CACNA1B: variants seen among roughly 807,000 people sequenced by gnomAD.
CACNA1B encodes the protein calcium voltage-gated channel subunit alpha1 B, also known as voltage-dependent N-type calcium channel subunit alpha-1B.
A neutral mutation model predicts 247.2 loss-of-function variants in CACNA1B; 70 were observed. The ratio of observed to expected loss-of-function variants is 0.28; its 90% CI spans 0.23 to 0.35. The LOEUF is 0.35. Among genes scored for constraint, CACNA1B ranks in the 10% least tolerant of loss-of-function variants. The pLI, the probability that CACNA1B is intolerant of heterozygous loss-of-function variation, is 1.00. For missense variants in CACNA1B, 2,367 were observed against 3,197.4 expected (o/e 0.74, Z 6.26); for synonymous variants, 1,231 against 1,294.4 (o/e 0.95, Z 1.05).
chr9:138,024,807 T>A (rs1958900273), intron 19 of CACNA1B, 148 bp from the exon 20 acceptor site: 2 of 624,800 alleles, frequency 3.2e-6, no homozygotes, highest in Admixed American at 2.6e-5. Flanking sequence ...GCTAATTTTT[T>A]AATTTTTGTA....
rs1254801748 is a variant in CACNA1B at position 138,073,520 on chromosome 9, C to G, written c.4707C>G (p.Leu1569=). The G allele has an allele frequency of 2.5e-6, 4 of 1,613,410 alleles. No individual in the cohort carries two copies. In the East Asian group the frequency reaches 8.9e-5, roughly 36 times the overall value. Residue 1569 remains leucine, a synonymous_variant, in exon 33 of 47, where the codon CTC becomes CTG. Transcript: ENST00000371372. The surrounding 1 kb of genome is among the most constrained non-coding windows in gnomAD (Gnocchi z 6.4). The part of the protein sequence containing the change: ...NNFINLSFLR[L]FRAARLIKLL... ...TCATCAACCTCAGCTTCCTCCGCCT[C>G]TTTCGAGCTGCGCGGCTGATCAAGC... is the stretch of plus-strand genomic sequence containing the variant.
At chr9:138,096,682 G>A in intron 37 of CACNA1B, 71 bp downstream of exon 37, 1 of 1,502,062 alleles carries the variant, frequency 6.7e-7, no homozygotes, top group Non-Finnish European at 9.1e-7. Context: ...TGGGCCTGGT[G>A]GCTTCAGACA....
intron 15 of CACNA1B, among the ~76,000 whole-genome samples, chr9:138,001,394 A>C (rs986257169): frequency 1.1e-5 from 1 of 87,228 alleles, no homozygotes; most frequent in Non-Finnish European, 2.0e-5. Context: ...GACTGTGATA[A>C]TGGTGACACA....
chr9:137,995,784 A>G (rs1273292565), intron 15 of CACNA1B, among the ~76,000 whole-genome samples: 2 of 152,284 alleles, frequency 1.3e-5, no homozygotes, highest in African/African-American at 4.8e-5. Flanking sequence ...ACATCTGACA[A>G]AGGACTAATA....
At chr9:137,934,504 A>G (rs371006893) in intron 6 of CACNA1B, among the ~76,000 whole-genome samples, 10 of 152,204 alleles carry the variant, frequency 6.6e-5, no homozygotes, top group African/African-American at 2.4e-4. Flanking sequence ...TTGCTCCAGA[A>G]TGACTGCAGA....
chr9:137,883,823 C>T (rs1265345968), intron 3 of CACNA1B, among the ~76,000 whole-genome samples: 1 of 151,872 alleles, frequency 6.6e-6, no homozygotes, highest in Non-Finnish European at 1.5e-5. Flanking sequence ...GGGAGCAGGC[C>T]CCACAGCAGG....
chr9:137,918,541 C>A (rs116740603), intron 6 of CACNA1B, among the ~76,000 whole-genome samples: 2,565 of 152,122 alleles, frequency 0.017, 58 homozygotes, highest in African/African-American at 0.054. Context: ...AAGGTGCTTT[C>A]ACCTAGAGCT....
intron 45 of CACNA1B, 104 bp downstream of exon 45, chr9:138,120,476 C>G: frequency 7.2e-7 from 1 of 1,391,526 alleles, no homozygotes; most frequent in Non-Finnish European, 9.6e-7. Flanking sequence ...CCTCGTGACC[C>G]CATAACCAGC....
At chr9:138,108,631 C>T (rs901447721) in intron 39 of CACNA1B, among the ~76,000 whole-genome samples, 1 of 151,918 alleles carries the variant, frequency 6.6e-6, no homozygotes, top group Admixed American at 6.6e-5. Flanking sequence ...AAATCTTCAA[C>T]ATAATCTTTA....
intron 20 of CACNA1B, among the ~76,000 whole-genome samples, chr9:138,029,538 A>G (rs542934548): frequency 2.0e-5 from 3 of 151,938 alleles, no homozygotes; most frequent in Middle Eastern, 6.9e-3. Flanking sequence ...AAGTTTTAAA[A>G]ATTTCCCTCT....
At chr9:137,878,373 C>T (rs1956866235) in intron 1 of CACNA1B, among the ~76,000 whole-genome samples, 156 bp downstream of exon 1, 1 of 151,938 alleles carries the variant, frequency 6.6e-6, no homozygotes, top group Non-Finnish European at 1.5e-5. Flanking sequence ...CTCGGAGCGG[C>T]GGGTGCGGGA....
At chr9:137,996,206 C>T (rs1193901111) in intron 15 of CACNA1B, among the ~76,000 whole-genome samples, 1 of 152,226 alleles carries the variant, frequency 6.6e-6, no homozygotes, top group African/African-American at 2.4e-5. Context: ...GATACTTGCA[C>T]ATGCATGTTT....
chr9:138,116,153 T>A (rs866685522), intron 42 of CACNA1B, among the ~76,000 whole-genome samples: 2 of 152,190 alleles, frequency 1.3e-5, no homozygotes, highest in South Asian at 2.1e-4. Context: ...CAGCAGACGC[T>A]GAGATTCCAC....
chr9:138,017,534 C>T (rs1958808487), intron 18 of CACNA1B, among the ~76,000 whole-genome samples: 1 of 152,222 alleles, frequency 6.6e-6, no homozygotes, highest in Non-Finnish European at 1.5e-5. Flanking sequence ...TTCAGGTCTC[C>T]TTGTGGTTCC....
rs554863285 is a variant in CACNA1B at position 137,971,902 on chromosome 9, C to T, written c.1543+310C>T. On this transcript the variant is annotated intron_variant, in intron 11 of 46. Coordinates refer to ENST00000371372, the MANE Select transcript of CACNA1B (RefSeq NM_000718.4). This position sits in a 1 kb window ranked among gnomAD's most constrained non-coding sequence, Gnocchi z 4.4. ...CACCCAGGGCAGGATATATGTGGGA[C>T]GACCAGGGGCGAGTCAGGCCAGGCA... is the stretch of plus-strand genomic sequence containing the variant. Among the ~76,000 whole-genome samples, 12 of 152,214 alleles carry T rather than the reference C, an allele frequency of 7.9e-5. No homozygotes were observed. In the South Asian group the frequency reaches 8.3e-4, roughly 11 times the overall value.
chr9:137,893,969 G>A (rs1330249847), intron 3 of CACNA1B, among the ~76,000 whole-genome samples: 1 of 152,152 alleles, frequency 6.6e-6, no homozygotes, highest in Middle Eastern at 3.2e-3. Flanking sequence ...ACTCATCTGT[G>A]CATTTGTATA....
At chr9:137,987,801 C>T (rs1371796298) in intron 15 of CACNA1B, among the ~76,000 whole-genome samples, 1 of 152,228 alleles carries the variant, frequency 6.6e-6, no homozygotes, top group South Asian at 2.1e-4. Flanking sequence ...TCCTCCATGA[C>T]TGTCCCCTTT....
chr9:138,074,627 T>C (rs1353060244), intron 34 of CACNA1B, among the ~76,000 whole-genome samples: 1 of 152,238 alleles, frequency 6.6e-6, no homozygotes, highest in African/African-American at 2.4e-5. Context: ...AGGGCCATCC[T>C]GGTGTGGGGC....
intron 10 of CACNA1B, among the ~76,000 whole-genome samples, chr9:137,963,496 G>A (rs1394046045): frequency 6.6e-6 from 1 of 152,216 alleles, no homozygotes; most frequent in African/African-American, 2.4e-5. Flanking sequence ...CCAAGTTCAA[G>A]TGATTCTCCT....
Sources: gnomAD v4.1 joint callset for allele counts (sites outside exome capture counted in the v4.1 genomes callset) on GRCh38, gnomAD v4.1.1 for gene constraint, Gnocchi (gnomAD v3.1) non-coding constraint, MANE v1.5 for transcripts, NCBI Gene and HGNC (gene_info 2026-07-23, HGNC 2026-07-21) for gene names.